The following TUSC3 variants were observed in gnomAD, a reference collection of about 807,000 sequenced individuals.
TUSC3 encodes dolichyl-diphosphooligosaccharide--protein glycosyltransferase subunit TUSC3.
A neutral mutation model predicts 44.8 loss-of-function variants in TUSC3; 45 were observed. That is an observed-to-expected ratio of 1.00 (90% CI 0.79 to 1.29). TUSC3 has a LOEUF of 1.29. Among genes scored for constraint, TUSC3 ranks in the 50% most tolerant of loss-of-function variants. The pLI is 0.00. For missense variants in TUSC3, 519 were observed against 437.9 expected (o/e 1.19, Z -1.65); for synonymous variants, 212 against 152.9 (o/e 1.39, Z -2.85).
the TUSC3 span, among the ~76,000 whole-genome samples, chr8:15,801,326 G>A: frequency 2.6e-5 from 4 of 152,094 alleles, no homozygotes; most frequent in African/African-American, 9.7e-5. Context: ...GGAGATTAGT[G>A]GTATGGAGTT....
intron 1 of TUSC3, among the ~76,000 whole-genome samples, chr8:15,439,971 T>C (rs1799999099): frequency 6.6e-6 from 1 of 152,200 alleles, no homozygotes. Context: ...AACAATTATA[T>C]AGTGAGTGTC....
intron 1 of TUSC3, among the ~76,000 whole-genome samples, chr8:15,458,763 A>C (rs1390616126): frequency 6.6e-6 from 1 of 152,172 alleles, no homozygotes; most frequent in East Asian, 1.9e-4. Flanking sequence ...GGGGACTAAA[A>C]ACCAATCTTC....
At chr8:15,715,062 A>G (rs1810004204) in intron 6 of TUSC3, among the ~76,000 whole-genome samples, 1 of 152,136 alleles carries the variant, frequency 6.6e-6, no homozygotes, top group Admixed American at 6.6e-5. Context: ...TTTTCTGTAA[A>G]ATGGAAGAAT....
chr8:15,527,215 C>CTTAT (rs1172378929), intron 2 of TUSC3, among the ~76,000 whole-genome samples: 3 of 151,850 alleles, frequency 2.0e-5, no homozygotes, highest in Admixed American at 6.6e-5. Flanking sequence ...AGCTTGAATG[C>CTTAT]TTATTTATTT....
At chr8:15,847,602 T>C in the TUSC3 span, among the ~76,000 whole-genome samples, 1 of 152,206 alleles carries the variant, frequency 6.6e-6, no homozygotes, top group Admixed American at 6.5e-5. Flanking sequence ...GTAGGGATTT[T>C]AAAGTACTTT....
chr8:15,721,937 C>G (rs908039369), intron 6 of TUSC3, among the ~76,000 whole-genome samples: 1 of 151,054 alleles, frequency 6.6e-6, no homozygotes, highest in African/African-American at 2.4e-5. Flanking sequence ...ATACTACTAT[C>G]CTAATAGTAT....
the TUSC3 span, among the ~76,000 whole-genome samples, chr8:15,809,139 C>T: frequency 6.6e-6 from 1 of 151,996 alleles, no homozygotes; most frequent in Non-Finnish European, 1.5e-5. Flanking sequence ...ATTTTTGGCT[C>T]TTTTTATGTC....
Position 15,550,491 on chromosome 8 carries a change from T to A in TUSC3, c.138+9923T>A, listed in dbSNP as rs545454766. Reference sequence around the variant, plus strand: ...CAAAGCTGGGACTAAAAACAAGGTTTCCTCATACCAGAGTTTGTGTTATTG... The same window carrying A: ...CAAAGCTGGGACTAAAAACAAGGTTACCTCATACCAGAGTTTGTGTTATTG... On this transcript the variant is annotated intron_variant, in intron 1 of 10. Coordinates refer to ENST00000503731, the MANE Select transcript of TUSC3 (RefSeq NM_006765.4). Among the ~76,000 whole-genome samples, 8 of 151,780 alleles carry A rather than the reference T, an allele frequency of 5.3e-5. 1 individual carries two copies. The East Asian group carries it at 1.6e-3, about 30-fold the overall frequency.
the TUSC3 span, among the ~76,000 whole-genome samples, chr8:15,842,724 A>G: frequency 6.6e-6 from 1 of 152,200 alleles, no homozygotes; most frequent in African/African-American, 2.4e-5. Flanking sequence ...TGATGTAAAC[A>G]AGTCTTCTCT....
At chr8:15,418,709 A>G (rs1799690222) in intron 1 of TUSC3, among the ~76,000 whole-genome samples, 1 of 152,222 alleles carries the variant, frequency 6.6e-6, no homozygotes, top group Non-Finnish European at 1.5e-5. Context: ...AGTTAAAATT[A>G]AGAATTAAAG....
the TUSC3 span, among the ~76,000 whole-genome samples, chr8:15,787,849 G>T: frequency 3.9e-5 from 6 of 152,260 alleles, no homozygotes; most frequent in African/African-American, 1.4e-4. Flanking sequence ...ACATGTGCCA[G>T]GTTGAACTTT....
intron 2 of TUSC3, among the ~76,000 whole-genome samples, chr8:15,513,406 G>A (rs1321774720): frequency 6.6e-6 from 1 of 152,048 alleles, no homozygotes; most frequent in Non-Finnish European, 1.5e-5. Flanking sequence ...GATATTTGCT[G>A]GATATAAATT....
At chr8:15,552,283 A>AT (rs1802084614) in intron 1 of TUSC3, among the ~76,000 whole-genome samples, 2 of 151,720 alleles carry the variant, frequency 1.3e-5, no homozygotes, top group South Asian at 2.1e-4. Flanking sequence ...GTGATCTGTC[A>AT]TTTTTTGTCA....
In TUSC3 at chr8:15,623,100, A is replaced by G; in HGVS notation, c.159A>G (p.Val53=). The change falls in exon 2 of 11, where the codon GTA becomes GTG. Residue 53 remains valine, a synonymous_variant. Coordinates refer to ENST00000503731, the MANE Select transcript of TUSC3 (RefSeq NM_006765.4). ...TGCAGAATCTTTTAGCTGAAAAAGT[A>G]GAGCAGCTGATGGAATGGAGTTCCA... ...KKKENLLAEK[V]EQLMEWSSRR... is the part of the protein sequence containing the mutation. 1.9e-6 allele frequency: 3 copies of G among 1,613,918 alleles called. No homozygotes were observed. The highest frequency in any genetic ancestry group is 2.5e-6 in the Non-Finnish European group (3 of 1,179,876).
intron 3 of TUSC3, among the ~76,000 whole-genome samples, chr8:15,655,253 T>A (rs574173145): frequency 6.6e-6 from 1 of 152,246 alleles, no homozygotes; most frequent in South Asian, 2.1e-4. Context: ...GCTAAGATCT[T>A]AGGACTTAAG....
chr8:15,593,622 A>C (rs1435600739), intron 1 of TUSC3, among the ~76,000 whole-genome samples: 1 of 152,186 alleles, frequency 6.6e-6, no homozygotes, highest in Non-Finnish European at 1.5e-5. Context: ...TTAATAATAC[A>C]ATTGTAATCC....
intron 1 of TUSC3, among the ~76,000 whole-genome samples, chr8:15,439,734 A>C (rs1799996478): frequency 6.6e-6 from 1 of 152,122 alleles, no homozygotes; most frequent in Non-Finnish European, 1.5e-5. Context: ...ATACTGTGTT[A>C]TCTCTTTTAT....
intron 1 of TUSC3, among the ~76,000 whole-genome samples, chr8:15,562,893 C>G (rs1420771186): frequency 6.6e-6 from 1 of 152,056 alleles, no homozygotes; most frequent in Non-Finnish European, 1.5e-5. Context: ...TTAAATAACT[C>G]AGAGTTAATA....
intron 6 of TUSC3, among the ~76,000 whole-genome samples, chr8:15,728,616 C>G (rs1810592801): frequency 6.6e-6 from 1 of 152,118 alleles, no homozygotes; most frequent in African/African-American, 2.4e-5. Context: ...GGGACAGAAG[C>G]AGGTGCTGGG....
Sources: allele counts gnomAD v4.1 joint callset (sites outside exome capture counted in the v4.1 genomes callset), GRCh38; gene constraint gnomAD v4.1.1; transcripts MANE v1.5; gene names NCBI Gene and HGNC (gene_info 2026-07-23, HGNC 2026-07-21).